RNF111: variants seen among roughly 807,000 people sequenced by gnomAD.
RNF111 encodes the protein ring finger protein 111, also known as E3 ubiquitin-protein ligase Arkadia.
A neutral mutation model predicts 95.1 loss-of-function variants in RNF111; 17 were observed. The observed-to-expected ratio is 0.18, with a 90% CI of 0.12 to 0.27. The LOEUF is 0.27. Among genes scored for constraint, RNF111 ranks in the 10% least tolerant of loss-of-function variants. The pLI is 1.00. For synonymous variants in RNF111, 440 were observed against 414.8 expected, an observed-to-expected ratio of 1.06 and a Z score of -0.74; for missense variants, 1,189 against 1,210.4, an observed-to-expected ratio of 0.98 and a Z score of 0.26.
chr15:59,055,407 C>G (rs1268817116), intron 3 of RNF111, among the ~76,000 whole-genome samples: 9 of 152,056 alleles, frequency 5.9e-5, no homozygotes, highest in African/African-American at 2.2e-4. Flanking sequence ...TTTATTATAA[C>G]CTGGGTAAAT....
At position 59,081,010 on chromosome 15, in the gene RNF111, A is replaced by C; in HGVS notation, c.2023A>C (p.Thr675Pro). Reference protein sequence around the residue: ...PHSHGNPPPQTQPPPQVDYVI... With the variant: ...PHSHGNPPPQPQPPPQVDYVI... ...TTCTCATGGAAACCCCCCTCCTCAG[A>C]CTCAGCCTCCGCCTCAAGTGGATTA... The change falls in exon 8 of 14, where the codon ACT (threonine) becomes CCT (proline). Residue 675 changes from threonine (T) to proline (P), a missense_variant. Coordinates refer to ENST00000348370, the MANE Select transcript of RNF111 (RefSeq NM_017610.8). 1 of 1,613,954 alleles carries C rather than the reference A, an allele frequency of 6.2e-7. No homozygotes were observed. The highest frequency in any genetic ancestry group is 1.3e-5 in the African/African-American group (1 of 74,968).
intron 1 of RNF111, among the ~76,000 whole-genome samples, chr15:59,009,079 C>T (rs2141521888): frequency 6.6e-6 from 1 of 152,202 alleles, no homozygotes; most frequent in Middle Eastern, 3.4e-3. Context: ...CTTGCCTCAG[C>T]CTCCCGAGCA....
chr15:59,044,620 TA>T (rs1321982452), intron 2 of RNF111, among the ~76,000 whole-genome samples: 90 of 147,886 alleles, frequency 6.1e-4, no homozygotes, highest in Admixed American at 1.5e-3. Context: ...TAACTAACCT[TA>T]AAAAAAAAAC....
At chr15:59,035,345 T>C (rs1180856440) in intron 2 of RNF111, among the ~76,000 whole-genome samples, 1 of 152,092 alleles carries the variant, frequency 6.6e-6, no homozygotes, top group African/African-American at 2.4e-5. Flanking sequence ...TCCCCCAAAG[T>C]CTTAACTCAT....
chr15:59,096,083 A>G lies in RNF111; in HGVS notation c.*1183A>G, dbSNP rs1362669057. The stretch of plus-strand genomic sequence containing the variant: ...TATACTCCCACTTCATACATTACCA[A>G]GAGTCGATCACTGATTTAAAATTTT... On this transcript the variant is annotated 3_prime_UTR_variant, in exon 14 of 14. Coordinates refer to ENST00000348370, the MANE Select transcript of RNF111 (RefSeq NM_017610.8). The G allele has an allele frequency of 7.5e-6, 3 of 398,546 alleles. No homozygotes were observed. The highest frequency in any genetic ancestry group is 1.3e-5 in the Non-Finnish European group (3 of 225,860). 24.7% of individuals were successfully genotyped at this position (398,546 alleles called of 1,614,324 possible).
chr15:59,027,255 A>T (rs759923420), intron 1 of RNF111, among the ~76,000 whole-genome samples: 2 of 152,208 alleles, frequency 1.3e-5, no homozygotes, highest in Admixed American at 1.3e-4. Context: ...CCACCAGAAC[A>T]TAACTCTGAC....
chr15:59,032,601 T>C (rs1430633932), intron 2 of RNF111, among the ~76,000 whole-genome samples: 1 of 152,148 alleles, frequency 6.6e-6, no homozygotes, highest in East Asian at 1.9e-4. Context: ...TTTGTATTTT[T>C]TGTAGAGATG....
chr15:59,066,923 G>T lies in RNF111; in HGVS notation c.1526G>T (p.Gly509Val). The change falls in exon 6 of 14, where the codon GGT (glycine) becomes GTT (valine). Residue 509 changes from glycine to valine, a missense_variant. Coordinates refer to ENST00000348370, the MANE Select transcript of RNF111 (RefSeq NM_017610.8). ...HPHTSCFQQH[G>V]HHFQHHHHHH... The stretch of plus-strand genomic sequence containing the variant: ...CATACAAGTTGCTTTCAGCAGCATG[G>T]TCACCATTTTCAACATCATCACCAC... The T allele has an allele frequency of 6.2e-7, 1 of 1,613,908 alleles. No homozygotes were observed. The highest frequency in any genetic ancestry group is 8.5e-7 in the Non-Finnish European group (1 of 1,179,972).
At chr15:59,033,392 A>G (rs1212923672) in intron 2 of RNF111, among the ~76,000 whole-genome samples, 1 of 152,220 alleles carries the variant, frequency 6.6e-6, no homozygotes, top group Non-Finnish European at 1.5e-5. Flanking sequence ...AGTTTTACCT[A>G]CACAAATACT....
chr15:58,995,967 G>A (rs985041651), intron 1 of RNF111, among the ~76,000 whole-genome samples: 3 of 151,566 alleles, frequency 2.0e-5, no homozygotes, highest in Non-Finnish European at 2.9e-5. Context: ...TCAGGACATC[G>A]CTAGGAAACT....
intron 1 of RNF111, among the ~76,000 whole-genome samples, chr15:59,018,382 CA>C (rs34965573): frequency 6.6e-6 from 1 of 152,000 alleles, no homozygotes; most frequent in African/African-American, 2.4e-5. Context: ...TATGCCTAGC[CA>C]AGATTCCTGT....
At chr15:59,054,623 A>G (rs539897642) in intron 3 of RNF111, among the ~76,000 whole-genome samples, 7 of 142,432 alleles carry the variant, frequency 4.9e-5, no homozygotes, top group African/African-American at 1.8e-4. Flanking sequence ...TGGCTCGGTA[A>G]TTAACTTTAT....
chr15:58,991,806 A>G (rs1268184120), intron 1 of RNF111, among the ~76,000 whole-genome samples: 10 of 152,348 alleles, frequency 6.6e-5, no homozygotes, highest in Admixed American at 6.5e-4. Flanking sequence ...TTTTATGTGT[A>G]GTAACCAAAT....
At chr15:58,991,891 C>G (rs1225126698) in intron 1 of RNF111, among the ~76,000 whole-genome samples, 2 of 152,022 alleles carry the variant, frequency 1.3e-5, no homozygotes, top group Non-Finnish European at 2.9e-5. Flanking sequence ...TGGGGGAAAT[C>G]TGAATATGGA....
intron 5 of RNF111, among the ~76,000 whole-genome samples, chr15:59,060,801 A>AT (rs1231042655): frequency 1.3e-4 from 19 of 147,828 alleles, no homozygotes; most frequent in South Asian, 4.3e-4. Flanking sequence ...TATTATTATT[A>AT]TTATTATTTT....
chr15:59,016,357 A>C (rs2040068597), intron 1 of RNF111, among the ~76,000 whole-genome samples: 1 of 151,908 alleles, frequency 6.6e-6, no homozygotes, highest in Admixed American at 6.6e-5. Context: ...TTTAGTAGAG[A>C]TGGGGTTTCA....
At chr15:59,073,095 C>T (rs2043011503) in intron 6 of RNF111, among the ~76,000 whole-genome samples, 1 of 152,048 alleles carries the variant, frequency 6.6e-6, no homozygotes, top group Non-Finnish European at 1.5e-5. Context: ...ATTGCTTGAG[C>T]TGGGTAGGTG....
At chr15:59,055,989 A>G (rs900955180) in intron 4 of RNF111, 144 bp downstream of exon 4, 24 of 623,858 alleles carry the variant, frequency 3.8e-5, no homozygotes, top group African/African-American at 3.4e-4. Context: ...CTCGTTTTTA[A>G]TTGATATCCT....
At chr15:59,006,032 A>G (rs916339122) in intron 1 of RNF111, among the ~76,000 whole-genome samples, 1 of 152,214 alleles carries the variant, frequency 6.6e-6, no homozygotes, top group African/African-American at 2.4e-5. Context: ...ATTTCCTTCT[A>G]AGGAAAACCA....
Sources: gnomAD v4.1 joint callset for allele counts (sites outside exome capture counted in the v4.1 genomes callset) on GRCh38, gnomAD v4.1.1 for gene constraint, MANE v1.5 for transcripts, NCBI Gene and HGNC (gene_info 2026-07-23, HGNC 2026-07-21) for gene names.